Variants in CCBE1 observed in about 807,000 individuals in gnomAD.
CCBE1 encodes the protein collagen and calcium binding EGF domains 1.
In CCBE1, 37 loss-of-function variants were observed where a neutral mutation model predicts 50.0. That is an observed-to-expected ratio of 0.74 (90% CI 0.57 to 0.97). The LOEUF is 0.97. Among genes scored for constraint, CCBE1 ranks in the 50% least tolerant of loss-of-function variants. CCBE1 has a pLI of 0.00. For synonymous variants in CCBE1, 234 were observed against 203.7 expected, an observed-to-expected ratio of 1.15 and a Z score of -1.27; for missense variants, 538 against 523.8, an observed-to-expected ratio of 1.03 and a Z score of -0.26.
At chr18:59,634,329 T>TCA (rs2053890017) in intron 2 of CCBE1, among the ~76,000 whole-genome samples, 1 of 152,226 alleles carries the variant, frequency 6.6e-6, no homozygotes, top group Non-Finnish European at 1.5e-5. Flanking sequence ...GAATCTATCA[T>TCA]CACAGATCTG....
chr18:59,591,016 G>A lies in CCBE1; in HGVS notation c.212+105613C>T, dbSNP rs532387452. The stretch of plus-strand genomic sequence containing the variant: ...TCCCAGCACTTTGGGAGGCCGAGGC[G>A]GGTGGATCACGAGGTCAGGAGATCG... On this transcript the variant is annotated intron_variant, in intron 2 of 10. Coordinates refer to ENST00000439986, the MANE Select transcript of CCBE1 (RefSeq NM_133459.4). 3.9e-3 allele frequency among the ~76,000 whole-genome samples: 127 copies of A among 32,626 alleles called. 46 individuals are homozygous for A. In the East Asian group the frequency reaches 0.28, roughly 72 times the overall value. The allele number at this position is 32,626 out of a possible 152,430, so 21.4% of individuals were successfully genotyped here. A position where few individuals can be genotyped will look rare whatever the true frequency, so the allele number is the denominator to read the frequency against.
Position 59,443,067 on chromosome 18 carries a change from G to C in CCBE1, c.776-3251C>G, listed in dbSNP as rs138957013. 4.0e-3 allele frequency among the ~76,000 whole-genome samples: 602 copies of C among 152,250 alleles called. 4 individuals are homozygous for C. The highest frequency in any genetic ancestry group is 0.014 in the African/African-American group (579 of 41,530). ...TCTGAGACCATACCGAGTTTAACAAGTCATCTGCTCTTGTGTCTGATAATG... is the reference window on the plus strand; with the variant it reads ...TCTGAGACCATACCGAGTTTAACAACTCATCTGCTCTTGTGTCTGATAATG... On this transcript the variant is annotated intron_variant, in intron 7 of 10. Coordinates refer to ENST00000439986, the MANE Select transcript of CCBE1 (RefSeq NM_133459.4).
At chr18:59,660,754 T>C (rs1226703106) in intron 2 of CCBE1, among the ~76,000 whole-genome samples, 1 of 152,144 alleles carries the variant, frequency 6.6e-6, no homozygotes, top group African/African-American at 2.4e-5. Context: ...TATAAAGTAA[T>C]TCAAAAATAC....
rs76489771 is a variant in CCBE1 at position 59,467,070 on chromosome 18, C to T, written c.401-179G>A. ...ATGTGGGTCATCCATAAAAACAGCA[C>T]TTTTGGCCAAGTGGCCATTGTTACA... On this transcript the variant is annotated intron_variant, in intron 4 of 10. Transcript: ENST00000439986. Among the ~76,000 whole-genome samples the T allele has an allele frequency of 8.5e-3, 1,290 of 152,350 alleles. 9 individuals carry two copies. Among genetic ancestry groups the T allele is most frequent in the African/African-American group, 0.029 (1,216 of 41,576 alleles).
chr18:59,503,845 T>A (rs1375203382), intron 2 of CCBE1, among the ~76,000 whole-genome samples: 2 of 152,224 alleles, frequency 1.3e-5, no homozygotes, highest in Non-Finnish European at 2.9e-5. Context: ...AATGTCTACA[T>A]GTTCCTGGAC....
intron 2 of CCBE1, among the ~76,000 whole-genome samples, chr18:59,600,115 C>T (rs955516810): frequency 3.9e-5 from 6 of 152,272 alleles, no homozygotes; most frequent in Admixed American, 6.5e-5. Context: ...TCAGGGGTCC[C>T]CAACCACTGG....
At chr18:59,541,755 C>T (rs902936300) in intron 2 of CCBE1, among the ~76,000 whole-genome samples, 7 of 152,128 alleles carry the variant, frequency 4.6e-5, no homozygotes, top group Admixed American at 3.3e-4. Context: ...AGATAACACA[C>T]TCTGTGTTCA....
chr18:59,568,646 C>T (rs2052864070), intron 2 of CCBE1: 3 of 152,294 alleles, frequency 2.0e-5, no homozygotes, highest in Admixed American at 1.3e-4. Flanking sequence ...CCTGCGCAGA[C>T]CAAAAACAGT....
chr18:59,535,163 A>G (rs993084538), intron 2 of CCBE1, among the ~76,000 whole-genome samples: 2 of 152,208 alleles, frequency 1.3e-5, no homozygotes, highest in Non-Finnish European at 2.9e-5. Context: ...CAGTAATGAG[A>G]TTGACAGCAT....
At chr18:59,682,503 C>A (rs187569916) in intron 2 of CCBE1, among the ~76,000 whole-genome samples, 3,272 of 146,646 alleles carry the variant, frequency 0.022, 118 homozygotes, top group African/African-American at 0.085. Flanking sequence ...AAACAGAGAC[C>A]CCCCCCTTTA....
chr18:59,621,330 G>A (rs2053707417), intron 2 of CCBE1, among the ~76,000 whole-genome samples: 1 of 152,156 alleles, frequency 6.6e-6, no homozygotes, highest in Non-Finnish European at 1.5e-5. Context: ...CATTCCCCTT[G>A]GACTTGGGCT....
At chr18:59,673,011 A>G (rs531968038) in intron 2 of CCBE1, among the ~76,000 whole-genome samples, 15 of 152,218 alleles carry the variant, frequency 9.9e-5, no homozygotes, top group African/African-American at 3.6e-4. Flanking sequence ...GGAAATAAAA[A>G]AAAAATTTAA....
Position 59,665,435 on chromosome 18 carries a change from T to C in CCBE1, c.212+31194A>G, listed in dbSNP as rs148122907. Among the ~76,000 whole-genome samples the C allele has an allele frequency of 2.9e-3, 445 of 152,302 alleles. 4 individuals are homozygous for C. Among genetic ancestry groups the C allele is most frequent in the African/African-American group, 0.01 (427 of 41,558 alleles). ...ATTTTTTATCCCATTTAAAAATAAG[T>C]GTTGGGTAATCATTGTTGAGTTTAC... is the stretch of plus-strand genomic sequence containing the variant. On this transcript the variant is annotated intron_variant, in intron 2 of 10. Transcript: ENST00000439986.
At chr18:59,660,647 G>A (rs944869313) in intron 2 of CCBE1, among the ~76,000 whole-genome samples, 3 of 152,150 alleles carry the variant, frequency 2.0e-5, no homozygotes, top group Admixed American at 1.3e-4. Context: ...TTCCCTGATA[G>A]AGGGATTTAT....
chr18:59,573,284 A>AATATATAT (rs71336346), intron 2 of CCBE1, among the ~76,000 whole-genome samples: 4,079 of 93,192 alleles, frequency 0.044, 421 homozygotes, highest in Admixed American at 0.063. Context: ...GACTCCGTCT[A>AATATATAT]ATATATATAT....
chr18:59,496,933 GC>G (rs1397478785), intron 2 of CCBE1, among the ~76,000 whole-genome samples: 1 of 152,192 alleles, frequency 6.6e-6, no homozygotes, highest in Non-Finnish European at 1.5e-5. Flanking sequence ...TGAGTTTAGG[GC>G]TTGATTCTAC....
intron 2 of CCBE1, among the ~76,000 whole-genome samples, chr18:59,634,713 T>C (rs2053894370): frequency 6.6e-6 from 1 of 152,184 alleles, no homozygotes; most frequent in African/African-American, 2.4e-5. Flanking sequence ...AACTAAAACA[T>C]GAGCGAGGAA....
intron 7 of CCBE1, among the ~76,000 whole-genome samples, chr18:59,443,079 T>C (rs555744394): frequency 6.6e-6 from 1 of 152,226 alleles, no homozygotes; most frequent in South Asian, 2.1e-4. Context: ...CATCTGCTCT[T>C]GTGTCTGATA....
intron 2 of CCBE1, among the ~76,000 whole-genome samples, chr18:59,559,010 G>A (rs746175920): frequency 1.3e-5 from 2 of 152,220 alleles, no homozygotes; most frequent in African/African-American, 4.8e-5. Context: ...CTGGACCCCG[G>A]GATCTGACAA....
Sources: allele counts gnomAD v4.1 joint callset (sites outside exome capture counted in the v4.1 genomes callset), GRCh38; gene constraint gnomAD v4.1.1; transcripts MANE v1.5; gene names NCBI Gene and HGNC (gene_info 2026-07-23, HGNC 2026-07-21).